Variants in HERC2 observed in about 807,000 individuals in gnomAD.
HERC2 encodes HECT and RLD domain containing E3 ubiquitin protein ligase 2.
A neutral mutation model predicts 537.7 loss-of-function variants in HERC2; 102 were observed. That is an observed-to-expected ratio of 0.19 (90% confidence interval 0.16 to 0.22). HERC2 has a LOEUF of 0.22. HERC2 is among the 10% of genes least tolerant of loss of function. The pLI, the probability that HERC2 is intolerant of heterozygous loss-of-function variation, is 1.00. For missense variants in HERC2, 4,236 were observed against 6,198.2 expected (o/e 0.68, Z 10.63); for synonymous variants, 2,224 against 2,466.2 (o/e 0.90, Z 2.91).
At chr15:28,133,196 T>C (rs188250057) in intron 79 of HERC2, among the ~76,000 whole-genome samples, 196 of 152,012 alleles carry the variant, frequency 1.3e-3, no homozygotes, top group Admixed American at 2.0e-3. Flanking sequence ...TCTGGCCCTA[T>C]AAGGAAAGTT....
chr15:28,173,439 T>C (rs980281659), intron 65 of HERC2, among the ~76,000 whole-genome samples: 3 of 152,186 alleles, frequency 2.0e-5, no homozygotes, highest in African/African-American at 7.2e-5. Flanking sequence ...AAAATTATTA[T>C]GCTGAGTGGA....
chr15:28,307,036 T>C (rs1017374431), intron 2 of HERC2, among the ~76,000 whole-genome samples: 2 of 152,216 alleles, frequency 1.3e-5, no homozygotes, highest in Non-Finnish European at 2.9e-5. Context: ...AGTTTCACCA[T>C]GTTGGCCAGA....
chr15:28,303,529 T>C (rs918002617), intron 2 of HERC2, among the ~76,000 whole-genome samples: 9 of 152,264 alleles, frequency 5.9e-5, no homozygotes, highest in Non-Finnish European at 1.3e-4. Context: ...TTGGCTATTC[T>C]GTCTCTTTTG....
rs1002335760 is a variant in HERC2, at chr15:28,183,268, G to A, written c.8826-756C>T. On this transcript the variant is annotated intron_variant, in intron 56 of 92. Transcript: ENST00000261609. ...TCTGTCACTCAGGCTGGAATACAGT[G>A]GCATAATCCCGGTTCACTGTAGCTT... 9.2e-5 allele frequency among the ~76,000 whole-genome samples: 14 copies of A among 152,160 alleles called. No homozygotes were observed. The South Asian group carries it at 2.9e-3, about 32-fold the overall frequency.
chr15:28,236,536 C>A (rs1027128744), intron 26 of HERC2, among the ~76,000 whole-genome samples: 2 of 151,860 alleles, frequency 1.3e-5, no homozygotes, highest in African/African-American at 4.8e-5. Flanking sequence ...GGTGATCCAC[C>A]CGCCTCAGCC....
chr15:28,158,037 T>C (rs1381764203), intron 69 of HERC2, among the ~76,000 whole-genome samples: 1 of 152,236 alleles, frequency 6.6e-6, no homozygotes, highest in African/African-American at 2.4e-5. Context: ...TCCATGTAGT[T>C]GAGCAGTTTT....
At chr15:28,255,469 T>C (rs1273185818) in intron 19 of HERC2, among the ~76,000 whole-genome samples, 3 of 152,180 alleles carry the variant, frequency 2.0e-5, no homozygotes, top group Non-Finnish European at 4.4e-5. Flanking sequence ...AGTGAGTGAA[T>C]CTGAAAATCA....
rs185222186 is a variant in HERC2 at position 28,240,650 on chromosome 15, A to C, written c.3578-1878T>G. 4.9e-4 allele frequency among the ~76,000 whole-genome samples: 75 copies of C among 152,328 alleles called. No individual in the cohort carries two copies. In the East Asian group the frequency reaches 0.01, roughly 20 times the overall value. On this transcript the variant is annotated intron_variant, in intron 23 of 92. Transcript: ENST00000261609. Reference sequence around the variant, plus strand: ...CAAGAAAAATAGCAGATTAAACCCTAAGAAAGAAGAAGGCAATAATAAAGA... The same window carrying C: ...CAAGAAAAATAGCAGATTAAACCCTCAGAAAGAAGAAGGCAATAATAAAGA...
intron 44 of HERC2, among the ~76,000 whole-genome samples, chr15:28,210,626 G>A (rs971404565): frequency 3.3e-5 from 5 of 151,920 alleles, no homozygotes; most frequent in African/African-American, 4.8e-5. Flanking sequence ...GCGGCTTTAC[G>A]CGCATTTGAA....
At chr15:28,238,030 C>G in intron 25 of HERC2, 84 bp downstream of exon 25, 1 of 891,850 alleles carries the variant, frequency 1.1e-6, no homozygotes, top group South Asian at 1.3e-5. Flanking sequence ...GATATCAGTA[C>G]TTCTAGATCC....
At chr15:28,239,734 G>C in intron 23 of HERC2, among the ~76,000 whole-genome samples, 1 of 149,152 alleles carries the variant, frequency 6.7e-6, no homozygotes, top group Non-Finnish European at 1.5e-5. Flanking sequence ...GTAACTAACA[G>C]AAGAACATGT....
intron 74 of HERC2, among the ~76,000 whole-genome samples, chr15:28,143,608 A>G (rs1891442443): frequency 6.6e-6 from 1 of 151,752 alleles, no homozygotes; most frequent in Non-Finnish European, 1.5e-5. Flanking sequence ...CACCACGCCC[A>G]TCTAATTTTT....
rs139351974 is a variant in HERC2, at chr15:28,135,561, C to T, written c.12147G>A (p.Lys4049=). 3.8e-4 allele frequency: 609 copies of T among 1,614,228 alleles called. 1 individual carries two copies. In the East Asian group the frequency reaches 8.3e-3, roughly 22 times the overall value. The stretch of plus-strand genomic sequence containing the variant: ...CTTCTGAAGACAGGGCAAGGCAGTG[C>T]TTTCCTCCAGAGTTCACAGCTACTT... ...IKKVAVNSGG[K]HCLALSSEGE... is the part of the protein sequence containing the mutation. Residue 4049 remains lysine, a synonymous_variant, in exon 79 of 93, where the codon AAG becomes AAA. Transcript: ENST00000261609.
At chr15:28,235,536 C>A (rs890141470) in intron 26 of HERC2, among the ~76,000 whole-genome samples, 2 of 152,170 alleles carry the variant, frequency 1.3e-5, no homozygotes, top group African/African-American at 4.8e-5. Context: ...TCCTTCCCCG[C>A]AAGCCTTCTG....
chr15:28,166,713 G>A (rs905213536), intron 68 of HERC2, among the ~76,000 whole-genome samples: 8 of 151,550 alleles, frequency 5.3e-5, no homozygotes, highest in Non-Finnish European at 8.8e-5. Context: ...ACCAGTCCAC[G>A]GGAGTCCCAA....
intron 78 of HERC2, among the ~76,000 whole-genome samples, chr15:28,137,602 C>G (rs542774754): frequency 6.6e-6 from 1 of 152,330 alleles, no homozygotes; most frequent in East Asian, 1.9e-4. Flanking sequence ...ACAAACCACA[C>G]CCATAGAAGA....
chr15:28,274,537 T>C, intron 6 of HERC2, 90 bp from the exon 7 acceptor site: 4 of 1,403,754 alleles, frequency 2.8e-6, no homozygotes, highest in Non-Finnish European at 3.8e-6. Flanking sequence ...GACGCCACTG[T>C]CACCTTTCCA....
chr15:28,266,751 C>G (rs2140961980), intron 12 of HERC2, among the ~76,000 whole-genome samples: 1 of 152,196 alleles, frequency 6.6e-6, no homozygotes, highest in East Asian at 1.9e-4. Context: ...CAGAGGTTGT[C>G]AGGAACTGGA....
At chr15:28,173,568 A>G (rs150456865) in intron 65 of HERC2, among the ~76,000 whole-genome samples, 5,712 of 151,942 alleles carry the variant, frequency 0.038, 333 homozygotes, top group African/African-American at 0.13. Context: ...GGAGGCCAAG[A>G]TGGGAGGATC....
Sources: gnomAD v4.1 joint callset for allele counts (sites outside exome capture counted in the v4.1 genomes callset) on GRCh38, gnomAD v4.1.1 for gene constraint, MANE v1.5 for transcripts, NCBI Gene and HGNC (gene_info 2026-07-23, HGNC 2026-07-21) for gene names.